SYNJ1: variants seen among roughly 807,000 people sequenced by gnomAD.
SYNJ1 encodes the protein polyphosphatidylinositol phosphatase SYNJ1.
A neutral mutation model predicts 168.2 loss-of-function variants in SYNJ1; 78 were observed. The ratio of observed to expected loss-of-function variants is 0.46; its 90% CI spans 0.39 to 0.56. The LOEUF (loss-of-function observed/expected upper bound fraction) is 0.56, where lower values mean the gene tolerates loss of function less well. Among genes scored for constraint, SYNJ1 ranks in the 20% least tolerant of loss-of-function variants. The probability of loss-of-function intolerance (pLI) is 0.00; values close to 1 mark genes in which losing one functional copy is unlikely to be tolerated. For synonymous variants in SYNJ1, 539 were observed against 548.6 expected (o/e 0.98, Z 0.24); for missense variants, 1,303 against 1,597.6 (o/e 0.82, Z 3.14).
intron 30 of SYNJ1, 106 bp downstream of exon 30, chr21:32,639,563 AAG>A: frequency 1.2e-6 from 1 of 858,472 alleles, no homozygotes. Flanking sequence ...GGCTAATTTT[AAG>A]AGTTTTTAAT....
intron 4 of SYNJ1, among the ~76,000 whole-genome samples, chr21:32,697,192 T>G (rs1037727777): frequency 6.6e-6 from 1 of 152,204 alleles, no homozygotes; most frequent in Non-Finnish European, 1.5e-5. Context: ...CAGCTTAGAA[T>G]TTCCAATGGA....
intron 17 of SYNJ1, among the ~76,000 whole-genome samples, 164 bp downstream of exon 17, chr21:32,665,779 G>A (rs890479308): frequency 6.6e-6 from 1 of 152,186 alleles, no homozygotes; most frequent in African/African-American, 2.4e-5. Flanking sequence ...ACTGAGCCCT[G>A]TCTCAGATAT....
chr21:32,685,353 G>T (rs543767181), intron 9 of SYNJ1, among the ~76,000 whole-genome samples: 22 of 150,116 alleles, frequency 1.5e-4, no homozygotes, highest in Admixed American at 8.6e-4. Context: ...TTGGGAGGCT[G>T]AGGCAGGTGG....
intron 31 of SYNJ1, 137 bp from the exon 32 acceptor site, chr21:32,635,021 G>A (rs375793900): frequency 9.5e-6 from 8 of 844,960 alleles, no homozygotes; most frequent in Non-Finnish European, 1.5e-5. Flanking sequence ...TTTGCAGGTT[G>A]TAACATAAAT....
intron 21 of SYNJ1, among the ~76,000 whole-genome samples, chr21:32,656,002 T>C (rs996512811): frequency 6.6e-6 from 1 of 152,218 alleles, no homozygotes; most frequent in African/African-American, 2.4e-5. Context: ...GGAGTCATTC[T>C]TATCTCTCCT....
Position 32,667,586 on chromosome 21 carries a change from T to C in SYNJ1, c.1812-1013A>G, listed in dbSNP as rs186124365. 3.3e-5 allele frequency among the ~76,000 whole-genome samples: 5 copies of C among 152,294 alleles called. No homozygotes were observed. The East Asian group carries it at 9.6e-4, about 29-fold the overall frequency. The stretch of plus-strand genomic sequence containing the variant: ...TCATGTCTCCTAATCTCTCTTTTTT[T>C]CTTGAGATGGGGTCTCACTCTGTCA... On this transcript the variant is annotated intron_variant, in intron 15 of 32. Coordinates refer to ENST00000674351, the MANE Select transcript of SYNJ1 (RefSeq NM_203446.3).
chr21:32,696,090 G>C (rs2042202760), intron 4 of SYNJ1, among the ~76,000 whole-genome samples: 1 of 152,272 alleles, frequency 6.6e-6, no homozygotes, highest in African/African-American at 2.4e-5. Flanking sequence ...CTGACCTTGT[G>C]ATCCACCTGC....
In SYNJ1 at chr21:32,661,483, C is replaced by T. The variant is rs183077238; in HGVS notation, c.2304+3430G>A. Among the ~76,000 whole-genome samples the T allele has an allele frequency of 3.3e-5, 5 of 152,224 alleles. No individual in the cohort carries two copies. The East Asian group carries it at 5.8e-4, about 18-fold the overall frequency. ...AACTGAAAAGGCCTACGAAGTAACC[C>T]GTGTGCTTCTCCGAGATCTTATTCC... On this transcript the variant is annotated intron_variant, in intron 18 of 32. Transcript: ENST00000674351.
chr21:32,638,818 T>C (rs1364612271), intron 31 of SYNJ1, 90 bp downstream of exon 31: 1 of 1,270,312 alleles, frequency 7.9e-7, no homozygotes, highest in Non-Finnish European at 1.1e-6. Flanking sequence ...TATTTTTACT[T>C]CTTATAACAG....
At chr21:32,661,468 G>A (rs1312631429) in intron 18 of SYNJ1, among the ~76,000 whole-genome samples, 2 of 152,114 alleles carry the variant, frequency 1.3e-5, no homozygotes, top group Non-Finnish European at 2.9e-5. Flanking sequence ...AACTGAAAAG[G>A]CCTACGAAGT....
At chr21:32,721,322 A>G (rs2146379908) in intron 2 of SYNJ1, among the ~76,000 whole-genome samples, 1 of 152,386 alleles carries the variant, frequency 6.6e-6, no homozygotes, top group East Asian at 1.9e-4. Context: ...CTTTTTAGAA[A>G]GTGTTTTAAA....
At chr21:32,701,842 A>T in intron 3 of SYNJ1, 119 bp downstream of exon 3, 1 of 672,956 alleles carries the variant, frequency 1.5e-6, no homozygotes, top group Non-Finnish European at 2.3e-6. Context: ...AAAAGATGTT[A>T]GCACATGTGT....
At chr21:32,649,452 A>T (rs879783811) in intron 23 of SYNJ1, among the ~76,000 whole-genome samples, 2 of 152,124 alleles carry the variant, frequency 1.3e-5, no homozygotes, top group East Asian at 1.9e-4. Context: ...GCATTTAAAA[A>T]TTTTTTCTTT....
intron 2 of SYNJ1, among the ~76,000 whole-genome samples, chr21:32,706,310 G>C (rs555710961): frequency 4.5e-4 from 68 of 152,096 alleles, no homozygotes; most frequent in African/African-American, 1.6e-3. Flanking sequence ...GACATTGTTG[G>C]GGCAATTGGT....
intron 6 of SYNJ1, among the ~76,000 whole-genome samples, chr21:32,690,381 T>G (rs942995324): frequency 6.6e-6 from 1 of 152,212 alleles, no homozygotes; most frequent in African/African-American, 2.4e-5. Flanking sequence ...ATGATTTTTA[T>G]TTTTTTATTT....
chr21:32,647,024 TC>T (rs1569038747), intron 23 of SYNJ1, among the ~76,000 whole-genome samples: 1 of 151,986 alleles, frequency 6.6e-6, no homozygotes, highest in Non-Finnish European at 1.5e-5. Context: ...CACACAGTCT[TC>T]CCCCAGAAGG....
At chr21:32,701,330 T>C (rs2042392419) in intron 3 of SYNJ1, among the ~76,000 whole-genome samples, 1 of 152,192 alleles carries the variant, frequency 6.6e-6, no homozygotes, top group Non-Finnish European at 1.5e-5. Context: ...GTTCACCCTT[T>C]AGTTGAGCTG....
intron 7 of SYNJ1, among the ~76,000 whole-genome samples, chr21:32,687,954 C>CT (rs1569095122): frequency 1.3e-5 from 2 of 151,952 alleles, no homozygotes; most frequent in South Asian, 2.1e-4. Flanking sequence ...ACCTTACATT[C>CT]TTTTTTATTT....
intron 4 of SYNJ1, among the ~76,000 whole-genome samples, chr21:32,696,153 T>G (rs1044926645): frequency 2.0e-5 from 3 of 152,174 alleles, no homozygotes; most frequent in African/African-American, 2.4e-5. Flanking sequence ...CGCCCGCCCA[T>G]GAAGCTCTAC....
Sources: gnomAD v4.1 joint callset for allele counts (sites outside exome capture counted in the v4.1 genomes callset) on GRCh38, gnomAD v4.1.1 for gene constraint, MANE v1.5 for transcripts, NCBI Gene and HGNC (gene_info 2026-07-23, HGNC 2026-07-21) for gene names.